LDLRAD4: variants seen among roughly 807,000 people sequenced by gnomAD.
The protein encoded by LDLRAD4 is low-density lipoprotein receptor class A domain-containing protein 4.
In LDLRAD4, 5 loss-of-function variants were observed where a neutral mutation model predicts 17.0. The observed-to-expected ratio is 0.29, with a 90% CI of 0.15 to 0.62. The LOEUF (loss-of-function observed/expected upper bound fraction) is 0.62. LDLRAD4 is among the 20% of genes least tolerant of loss of function. The pLI is 0.84. For missense variants in LDLRAD4, 340 were observed against 424.7 expected (o/e 0.80, Z 1.75); for synonymous variants, 168 against 171.8 (o/e 0.98, Z 0.17).
chr18:13,533,025 T>C (rs2094151771), intron 3 of LDLRAD4, among the ~76,000 whole-genome samples: 1 of 152,256 alleles, frequency 6.6e-6, no homozygotes, highest in Non-Finnish European at 1.5e-5. Flanking sequence ...CAGTGTTTTC[T>C]TGCTTCGGGT....
chr18:13,447,976 G>C (rs2091532429), intron 3 of LDLRAD4, among the ~76,000 whole-genome samples: 1 of 152,204 alleles, frequency 6.6e-6, no homozygotes, highest in African/African-American at 2.4e-5. Flanking sequence ...CCTGGGGGAG[G>C]CCAAGGGGTG....
chr18:13,300,677 C>G lies in LDLRAD4; in HGVS notation c.-383+22489C>G, dbSNP rs1414256005. On this transcript the variant is annotated intron_variant, in intron 1 of 5. Coordinates refer to ENST00000359446, the Ensembl canonical transcript of LDLRAD4. The surrounding 1 kb of genome is among the most constrained non-coding windows in gnomAD (Gnocchi z 4.2). ...TCTTTATATGATCAGCCCCTGCACC[C>G]AAGAATTTCTTGGTGGCGTTCACAC... Among the ~76,000 whole-genome samples, 2 of 152,154 alleles carry G rather than the reference C, an allele frequency of 1.3e-5. No individual in the cohort carries two copies. Among genetic ancestry groups the G allele is most frequent in the East Asian group, 3.9e-4 (2 of 5,184 alleles).
chr18:13,356,351 T>C (rs373067018), intron 1 of LDLRAD4, among the ~76,000 whole-genome samples: 1 of 152,234 alleles, frequency 6.6e-6, no homozygotes, highest in Non-Finnish European at 1.5e-5. Flanking sequence ...ACACCAAGTG[T>C]GCAAAGGACC....
Position 13,265,556 on chromosome 18 carries a change from G to A in LDLRAD4, c.-466-12549G>A, listed in dbSNP as rs144591475. ...GGGATGAATAGCTCCATGCACCCAG[G>A]AGCAAGGCGTGCCACATCTCTTCAT... On this transcript the variant is annotated intron_variant, in intron 1 of 5. Coordinates refer to the LDLRAD4 transcript ENST00000399848. Among the ~76,000 whole-genome samples, 421 of 152,292 alleles carry A rather than the reference G, an allele frequency of 2.8e-3. 3 individuals carry two copies. Among genetic ancestry groups the A allele is most frequent in the Middle Eastern group, 0.01 (3 of 294 alleles).
At chr18:13,456,415 C>T (rs767539885) in intron 3 of LDLRAD4, among the ~76,000 whole-genome samples, 5 of 152,214 alleles carry the variant, frequency 3.3e-5, no homozygotes, top group African/African-American at 4.8e-5. Flanking sequence ...TGGTGAAGGG[C>T]GTGCGTCACG....
intron 1 of LDLRAD4, among the ~76,000 whole-genome samples, chr18:13,263,822 C>T (rs2044058130): frequency 6.6e-6 from 1 of 152,192 alleles, no homozygotes; most frequent in East Asian, 1.9e-4. Context: ...CACCTGACTG[C>T]ATTGCTGTCC....
intron 1 of LDLRAD4, among the ~76,000 whole-genome samples, chr18:13,228,177 A>C (rs963784940): frequency 5.0e-4 from 76 of 152,118 alleles, no homozygotes; most frequent in African/African-American, 1.8e-3. Flanking sequence ...AAAAGGCTGG[A>C]GATGGTATGA....
At chr18:13,320,249 G>A (rs535219932) in intron 1 of LDLRAD4, among the ~76,000 whole-genome samples, 7 of 152,330 alleles carry the variant, frequency 4.6e-5, no homozygotes, top group East Asian at 1.9e-4. Context: ...CTGACTTGGC[G>A]AATCCTGCTT....
chr18:13,631,441 C>T (rs1343259063), intron 4 of LDLRAD4, among the ~76,000 whole-genome samples: 1 of 152,132 alleles, frequency 6.6e-6, no homozygotes, highest in Non-Finnish European at 1.5e-5. Flanking sequence ...GACATCAATC[C>T]TTCTTAAACT....
chr18:13,560,872 G>A (rs1326743362), intron 3 of LDLRAD4, among the ~76,000 whole-genome samples: 1 of 152,232 alleles, frequency 6.6e-6, no homozygotes. Flanking sequence ...TCTTGGAAGG[G>A]CTTGCAGGTG....
intron 3 of LDLRAD4, among the ~76,000 whole-genome samples, chr18:13,493,300 C>T (rs746394083): frequency 2.0e-5 from 3 of 152,256 alleles, no homozygotes; most frequent in East Asian, 1.9e-4. Flanking sequence ...CCTTTTTAGT[C>T]GAGTGAGTCT....
chr18:13,318,308 C>T (rs1201783991), intron 1 of LDLRAD4, among the ~76,000 whole-genome samples: 1 of 152,080 alleles, frequency 6.6e-6, no homozygotes, highest in Non-Finnish European at 1.5e-5. Context: ...GTCGCCCAGG[C>T]TGGAGTGCGG....
At chr18:13,397,593 C>A (rs749416637) in intron 2 of LDLRAD4, among the ~76,000 whole-genome samples, 9 of 152,154 alleles carry the variant, frequency 5.9e-5, no homozygotes, top group African/African-American at 9.7e-5. Flanking sequence ...TTAGGAAAAT[C>A]ATCCTGAGAT....
intron 1 of LDLRAD4, among the ~76,000 whole-genome samples, chr18:13,285,182 C>T (rs2146320733): frequency 6.6e-6 from 1 of 152,254 alleles, no homozygotes; most frequent in East Asian, 1.9e-4. Flanking sequence ...TTTGTAAGCC[C>T]CAGGGGCCCA....
intron 3 of LDLRAD4, among the ~76,000 whole-genome samples, chr18:13,583,166 T>C (rs1392568135): frequency 1.3e-5 from 2 of 152,222 alleles, no homozygotes; most frequent in Admixed American, 6.5e-5. Context: ...GTGGACTAGA[T>C]GCTATCCAAA....
chr18:13,478,557 A>T (rs972145168), intron 3 of LDLRAD4, among the ~76,000 whole-genome samples: 1 of 152,270 alleles, frequency 6.6e-6, no homozygotes, highest in African/African-American at 2.4e-5. Context: ...AAGAAATTAA[A>T]TACTTAGGTA....
intron 2 of LDLRAD4, among the ~76,000 whole-genome samples, chr18:13,433,783 CCT>C (rs2090488049): frequency 6.6e-6 from 1 of 152,038 alleles, no homozygotes; most frequent in South Asian, 2.1e-4. Flanking sequence ...CCTAAAATTC[CCT>C]GTTTTTTCAA....
At chr18:13,556,202 G>A (rs1446208813) in intron 3 of LDLRAD4, among the ~76,000 whole-genome samples, 1 of 152,198 alleles carries the variant, frequency 6.6e-6, no homozygotes, top group Non-Finnish European at 1.5e-5. Flanking sequence ...TGAGTCTATT[G>A]CATTGTTGTT....
At position 13,387,714 on chromosome 18, in the gene LDLRAD4, G is replaced by A. The variant is rs751024759; in HGVS notation, c.-9G>A. 2.5e-6 allele frequency: 4 copies of A among 1,613,926 alleles called. No homozygotes were observed. The Admixed American group carries it at 6.7e-5, about 27-fold the overall frequency. On this transcript the variant is annotated 5_prime_UTR_variant, in exon 2 of 6. Transcript: ENST00000359446. ...AAGAGTTGGAGCACAGGCTTGTCCG[G>A]GGAGCAGTATGCCGGAAGCTGGTTT...
Sources: allele counts gnomAD v4.1 joint callset (sites outside exome capture counted in the v4.1 genomes callset), GRCh38; gene constraint gnomAD v4.1.1; non-coding constraint Gnocchi (gnomAD v3.1); transcripts MANE v1.5; gene names NCBI Gene and HGNC (gene_info 2026-07-23, HGNC 2026-07-21).